NRG3: variants seen among roughly 807,000 people sequenced by gnomAD.
NRG3 encodes neuregulin 3, also known as pro-neuregulin-3, membrane-bound isoform.
Under a neutral mutation model 66.9 loss-of-function variants are expected in NRG3, and 31 were observed. The observed-to-expected ratio is 0.46, with a 90% CI of 0.35 to 0.63. The LOEUF is 0.63. Ranked by LOEUF, NRG3 falls within the 20% of genes least tolerant of loss-of-function variation. The pLI is 0.00. For synonymous variants in NRG3, 393 were observed against 359.4 expected, an observed-to-expected ratio of 1.09 and a Z score of -1.06; for missense variants, 910 against 878.9, an observed-to-expected ratio of 1.04 and a Z score of -0.45.
At chr10:82,258,265 A>G (rs559754983) in intron 1 of NRG3, among the ~76,000 whole-genome samples, 2 of 152,342 alleles carry the variant, frequency 1.3e-5, no homozygotes, top group African/African-American at 2.4e-5. Context: ...GTTGTGCTCA[A>G]TTATGGCCTT....
At chr10:82,753,424 G>GT (rs1025699775) in intron 3 of NRG3, among the ~76,000 whole-genome samples, 1 of 151,836 alleles carries the variant, frequency 6.6e-6, no homozygotes, top group Admixed American at 6.6e-5. Context: ...GATTGAAGTA[G>GT]TTTTTTTCTT....
At chr10:82,804,647 A>G (rs2061200967) in intron 3 of NRG3, among the ~76,000 whole-genome samples, 1 of 152,208 alleles carries the variant, frequency 6.6e-6, no homozygotes, top group Non-Finnish European at 1.5e-5. Context: ...GGTTTAAATG[A>G]GAATGCATAT....
At chr10:82,837,351 T>A (rs1172091414) in intron 3 of NRG3, among the ~76,000 whole-genome samples, 1 of 152,136 alleles carries the variant, frequency 6.6e-6, no homozygotes, top group Non-Finnish European at 1.5e-5. Flanking sequence ...TAGTTTACAG[T>A]CCCATTGTTA....
intron 2 of NRG3, among the ~76,000 whole-genome samples, chr10:82,479,664 C>CAAAAA (rs35572219): frequency 3.4e-5 from 2 of 59,398 alleles, no homozygotes; most frequent in African/African-American, 1.4e-4. Flanking sequence ...AACTCTGTCT[C>CAAAAA]AAAAAAAAAA....
chr10:81,887,814 TCTTTGGG>T (rs1409541080), intron 1 of NRG3, among the ~76,000 whole-genome samples: 1 of 152,104 alleles, frequency 6.6e-6, no homozygotes, highest in Non-Finnish European at 1.5e-5. Context: ...ATGGTGATTA[TCTTTGGG>T]GAGGAGGGGC....
chr10:82,016,720 A>G (rs1388101243), intron 1 of NRG3, among the ~76,000 whole-genome samples: 1 of 152,142 alleles, frequency 6.6e-6, no homozygotes, highest in African/African-American at 2.4e-5. Context: ...AAAGACATGG[A>G]AGATAAATGG....
intron 2 of NRG3, among the ~76,000 whole-genome samples, chr10:82,514,886 A>G (rs1449344489): frequency 6.6e-6 from 1 of 151,966 alleles, no homozygotes; most frequent in East Asian, 1.9e-4. Flanking sequence ...CAGTTTTGTT[A>G]TTGTTTTTCT....
At chr10:81,900,829 C>T (rs768791097) in intron 1 of NRG3, among the ~76,000 whole-genome samples, 1 of 151,784 alleles carries the variant, frequency 6.6e-6, no homozygotes, top group Non-Finnish European at 1.5e-5. Flanking sequence ...GAAATATAGC[C>T]AAAATACTGG....
At chr10:82,108,856 A>G (rs564316372) in intron 1 of NRG3, among the ~76,000 whole-genome samples, 1 of 152,304 alleles carries the variant, frequency 6.6e-6, no homozygotes, top group South Asian at 2.1e-4. Context: ...TGGATATGGT[A>G]TATTTATATT....
At chr10:82,912,855 C>T (rs544074316) in intron 4 of NRG3, among the ~76,000 whole-genome samples, 5 of 152,166 alleles carry the variant, frequency 3.3e-5, no homozygotes, top group Admixed American at 6.5e-5. Flanking sequence ...TGATTCCCTA[C>T]AGTGTGCTGT....
At chr10:82,542,797 G>GT (rs1305107777) in intron 2 of NRG3, among the ~76,000 whole-genome samples, 2 of 152,058 alleles carry the variant, frequency 1.3e-5, no homozygotes, top group African/African-American at 4.8e-5. Flanking sequence ...GGCAATCTTC[G>GT]TAAGTGTCAG....
chr10:82,613,426 A>G (rs2133527339), intron 2 of NRG3, among the ~76,000 whole-genome samples: 1 of 151,598 alleles, frequency 6.6e-6, no homozygotes. Context: ...TTTTAAAAAA[A>G]ATAATTAATT....
Position 82,320,924 on chromosome 10 carries a change from C to T in NRG3, c.824-37815C>T, listed in dbSNP as rs967483678. 1.1e-4 allele frequency among the ~76,000 whole-genome samples: 16 copies of T among 152,196 alleles called. No individual in the cohort carries two copies. The South Asian group carries it at 1.2e-3, about 12-fold the overall frequency. On this transcript the variant is annotated intron_variant, in intron 1 of 8. Transcript: ENST00000372141. ...GCAGAAGAGCACGAGAGCTCCATCA[C>T]CTTTCCAGCTCCTCATCCATTCTGC...
At chr10:82,569,656 C>T (rs1371629439) in intron 2 of NRG3, among the ~76,000 whole-genome samples, 1 of 151,620 alleles carries the variant, frequency 6.6e-6, no homozygotes, top group African/African-American at 2.4e-5. Context: ...TTCTGGTTTT[C>T]TGCCTATGTC....
Position 82,686,129 on chromosome 10 carries a change from T to C in NRG3, c.954-52448T>C, listed in dbSNP as rs191490711. Among the ~76,000 whole-genome samples the C allele has an allele frequency of 3.9e-3, 591 of 152,188 alleles. 2 individuals carry two copies. Among genetic ancestry groups the C allele is most frequent in the Non-Finnish European group, 6.5e-3 (440 of 67,992 alleles). On this transcript the variant is annotated intron_variant, in intron 2 of 8. Transcript: ENST00000372141. ...TAACTAGTAACAGAGTAATTTCTTA[T>C]CATGATCAAATATTATGTACTGTAC...
intron 2 of NRG3, among the ~76,000 whole-genome samples, chr10:82,379,449 T>G (rs559468810): frequency 2.6e-5 from 4 of 152,074 alleles, no homozygotes; most frequent in Non-Finnish European, 5.9e-5. Context: ...AAGCGAGAAT[T>G]GAAAGAGAGA....
intron 1 of NRG3, among the ~76,000 whole-genome samples, chr10:82,053,944 G>A (rs12767327): frequency 6.6e-6 from 1 of 152,152 alleles, no homozygotes; most frequent in East Asian, 1.9e-4. Flanking sequence ...GAAAGCTCAT[G>A]GGGTGGAATC....
At chr10:82,184,502 GA>G in intron 1 of NRG3, among the ~76,000 whole-genome samples, 1 of 152,240 alleles carries the variant, frequency 6.6e-6, no homozygotes, top group African/African-American at 2.4e-5. Context: ...CATGCTCAAA[GA>G]AGTCAGAGGC....
chr10:82,564,839 A>G (rs2045288705), intron 2 of NRG3, among the ~76,000 whole-genome samples: 1 of 152,100 alleles, frequency 6.6e-6, no homozygotes, highest in Admixed American at 6.6e-5. Flanking sequence ...ACTCAGCAGG[A>G]ATACTCTTTG....
Sources: allele counts gnomAD v4.1 joint callset (sites outside exome capture counted in the v4.1 genomes callset), GRCh38; gene constraint gnomAD v4.1.1; transcripts MANE v1.5; gene names NCBI Gene and HGNC (gene_info 2026-07-23, HGNC 2026-07-21).